Variants in MINDY3 observed in about 807,000 individuals in gnomAD.
MINDY3 encodes the protein MINDY lysine 48 deubiquitinase 3.
A neutral mutation model predicts 69.2 loss-of-function variants in MINDY3; 38 were observed. The observed-to-expected ratio is 0.55, with a 90% CI of 0.42 to 0.72. MINDY3 has a LOEUF of 0.72. Among genes scored for constraint, MINDY3 ranks in the 30% least tolerant of loss-of-function variants. The pLI is 0.00. For missense variants in MINDY3, 522 were observed against 519.0 expected, an observed-to-expected ratio of 1.01 and a Z score of -0.06; for synonymous variants, 192 against 180.1, an observed-to-expected ratio of 1.07 and a Z score of -0.53.
chr10:15,836,743 A>G (rs1157309747), intron 6 of MINDY3, among the ~76,000 whole-genome samples: 2 of 151,770 alleles, frequency 1.3e-5, no homozygotes, highest in African/African-American at 4.8e-5. Context: ...AATTTAGAGG[A>G]GGAGAGAAAA....
At chr10:15,843,120 T>A (rs1833596194) in intron 3 of MINDY3, 92 bp downstream of exon 3, 6 of 1,019,444 alleles carry the variant, frequency 5.9e-6, no homozygotes, top group Middle Eastern at 2.2e-4. Flanking sequence ...GGAAAAAAAA[T>A]TCCCACTGAT....
intron 3 of MINDY3, among the ~76,000 whole-genome samples, 192 bp downstream of exon 3, chr10:15,843,020 T>C (rs1313161783): frequency 6.6e-6 from 1 of 151,870 alleles, no homozygotes; most frequent in Non-Finnish European, 1.5e-5. Flanking sequence ...TATACCATCA[T>C]GTCTTATAAC....
At chr10:15,810,914 G>A (rs748330860) in intron 10 of MINDY3, among the ~76,000 whole-genome samples, 4 of 152,092 alleles carry the variant, frequency 2.6e-5, no homozygotes, top group African/African-American at 4.8e-5. Flanking sequence ...TCCAAAGAAC[G>A]TCTAGAAGTG....
At chr10:15,845,254 C>T (rs543902378) in intron 2 of MINDY3, among the ~76,000 whole-genome samples, 2 of 151,380 alleles carry the variant, frequency 1.3e-5, no homozygotes, top group African/African-American at 2.4e-5. Flanking sequence ...GATCTTAGTT[C>T]CTTCTTTATT....
intron 13 of MINDY3, among the ~76,000 whole-genome samples, chr10:15,783,029 A>T (rs1048783694): frequency 4.6e-5 from 7 of 152,098 alleles, no homozygotes; most frequent in African/African-American, 1.7e-4. Context: ...GCCATATCCG[A>T]TGGATACAAA....
intron 10 of MINDY3, among the ~76,000 whole-genome samples, chr10:15,797,421 C>T (rs938330217): frequency 3.3e-5 from 5 of 152,230 alleles, no homozygotes; most frequent in Admixed American, 2.6e-4. Context: ...ACTGCATTTC[C>T]AACATTATTT....
chr10:15,788,440 A>G (rs1382767209), intron 12 of MINDY3, among the ~76,000 whole-genome samples: 3 of 152,134 alleles, frequency 2.0e-5, no homozygotes, highest in Admixed American at 6.6e-5. Context: ...ACAAGACCAA[A>G]TTCTAAAAAC....
chr10:15,790,353 A>G (rs1417423143), intron 11 of MINDY3, among the ~76,000 whole-genome samples: 1 of 152,172 alleles, frequency 6.6e-6, no homozygotes, highest in Non-Finnish European at 1.5e-5. Context: ...GTTATGAGTC[A>G]TCTAGAATAA....
chr10:15,834,452 C>A, intron 7 of MINDY3, 91 bp downstream of exon 7: 1 of 885,428 alleles, frequency 1.1e-6, no homozygotes. Flanking sequence ...TACTGACAAA[C>A]AAAATTACTT....
intron 10 of MINDY3, among the ~76,000 whole-genome samples, chr10:15,803,836 C>T (rs972478218): frequency 6.6e-6 from 1 of 152,082 alleles, no homozygotes; most frequent in Non-Finnish European, 1.5e-5. Flanking sequence ...CCCCACCACA[C>T]ACACAAAAAA....
At chr10:15,852,182 C>T (rs112989066) in intron 1 of MINDY3, among the ~76,000 whole-genome samples, 3 of 152,140 alleles carry the variant, frequency 2.0e-5, no homozygotes, top group African/African-American at 7.2e-5. Flanking sequence ...ATCTGCCTTG[C>T]CTGACCGGTG....
At chr10:15,791,385 A>G (rs1364699104) in intron 11 of MINDY3, among the ~76,000 whole-genome samples, 2 of 152,036 alleles carry the variant, frequency 1.3e-5, no homozygotes, top group East Asian at 3.9e-4. Flanking sequence ...CAAAGATGAA[A>G]AGACAACCTC....
At chr10:15,817,611 G>T (rs1261027691) in intron 9 of MINDY3, 1 of 152,124 alleles carries the variant, frequency 6.6e-6, no homozygotes, top group Non-Finnish European at 1.5e-5. Context: ...TAAACAAACA[G>T]AATAGACTTA....
chr10:15,844,810 T>A (rs997094891), intron 2 of MINDY3, among the ~76,000 whole-genome samples: 1 of 152,070 alleles, frequency 6.6e-6, no homozygotes, highest in Non-Finnish European at 1.5e-5. Flanking sequence ...GCACTGGCAA[T>A]TGTAATTTTA....
At chr10:15,817,349 A>G (rs1369770705) in intron 9 of MINDY3, 1 of 153,700 alleles carries the variant, frequency 6.5e-6, no homozygotes, top group African/African-American at 2.4e-5. Flanking sequence ...TCAAAGGGAA[A>G]GAACATCTTT....
intron 4 of MINDY3, among the ~76,000 whole-genome samples, chr10:15,838,783 A>G (rs988375815): frequency 3.3e-5 from 5 of 151,798 alleles, no homozygotes; most frequent in South Asian, 2.1e-4. Context: ...ATTTATTTGT[A>G]TAACTGTTAA....
At chr10:15,793,936 G>A (rs1479117886) in intron 11 of MINDY3, among the ~76,000 whole-genome samples, 3 of 152,070 alleles carry the variant, frequency 2.0e-5, no homozygotes, top group Non-Finnish European at 4.4e-5. Flanking sequence ...TATGGAAGAT[G>A]TGGTCTCATA....
intron 10 of MINDY3, among the ~76,000 whole-genome samples, chr10:15,805,971 A>G (rs1838611148): frequency 6.6e-6 from 1 of 152,108 alleles, no homozygotes; most frequent in African/African-American, 2.4e-5. Flanking sequence ...TAGAGACGTT[A>G]AAACATTCTC....
intron 10 of MINDY3, among the ~76,000 whole-genome samples, chr10:15,807,829 C>G (rs192529182): frequency 3.5e-4 from 54 of 152,144 alleles, no homozygotes; most frequent in African/African-American, 1.2e-3. Flanking sequence ...TCACAAAAAC[C>G]AGAATATACA....
Sources: gnomAD v4.1 joint callset for allele counts (sites outside exome capture counted in the v4.1 genomes callset) on GRCh38, gnomAD v4.1.1 for gene constraint, MANE v1.5 for transcripts, NCBI Gene and HGNC (gene_info 2026-07-23, HGNC 2026-07-21) for gene names.